ARK2N: variants seen among roughly 807,000 people sequenced by gnomAD.
ARK2N encodes the protein arkadia (RNF111) N-terminal like PKA signaling regulator 2N.
the ARK2N span, among the ~76,000 whole-genome samples, chr18:46,242,826 A>C: frequency 6.6e-6 from 1 of 152,200 alleles, no homozygotes; most frequent in Non-Finnish European, 1.5e-5. Flanking sequence ...CACTATATGA[A>C]TATATCACAA....
the ARK2N span, chr18:46,219,271 G>A: frequency 6.6e-6 from 1 of 152,048 alleles, no homozygotes; most frequent in South Asian, 2.1e-4. Flanking sequence ...ATCTCTCTTT[G>A]AAGTTTTTGG....
the ARK2N span, chr18:46,253,684 C>T: frequency 6.3e-7 from 1 of 1,599,430 alleles, no homozygotes; most frequent in African/African-American, 1.4e-5. Flanking sequence ...TTTTTCCTCC[C>T]CTTCTCTCTC....
chr18:46,216,252 A>G, the ARK2N span: 3 of 1,613,968 alleles, frequency 1.9e-6, no homozygotes, highest in East Asian at 6.7e-5. The surrounding 1 kb of genome is among the most constrained non-coding windows in gnomAD (Gnocchi z 4.3). Flanking sequence ...AAACGGCGGT[A>G]GAAGGAGACC....
chr18:46,264,779 T>C, the ARK2N span: 1 of 152,086 alleles, frequency 6.6e-6, no homozygotes. Context: ...CCTTTACGCT[T>C]CTTGTTGCAT....
the ARK2N span, chr18:46,240,029 A>G: frequency 1.4e-5 from 23 of 1,614,110 alleles, no homozygotes; most frequent in Non-Finnish European, 1.9e-5. Flanking sequence ...GTAGCTCATT[A>G]TGATATGTCT....
the ARK2N span, among the ~76,000 whole-genome samples, chr18:46,176,435 G>A: frequency 3.3e-5 from 5 of 151,114 alleles, no homozygotes; most frequent in Admixed American, 2.0e-4. Flanking sequence ...ACCTGTAAAG[G>A]TGAAAAATGT....
the ARK2N span, among the ~76,000 whole-genome samples, chr18:46,214,074 T>A: frequency 2.6e-5 from 4 of 152,296 alleles, no homozygotes; most frequent in South Asian, 6.2e-4. Context: ...GGAAACTTAA[T>A]CAGAATGCCT....
chr18:46,176,574 C>T, the ARK2N span, among the ~76,000 whole-genome samples: 1 of 151,892 alleles, frequency 6.6e-6, no homozygotes, highest in African/African-American at 2.4e-5. Flanking sequence ...CCCACCTCAG[C>T]CTCCGAAGTA....
chr18:46,195,559 C>CT, the ARK2N span, among the ~76,000 whole-genome samples: 126 of 72,646 alleles, frequency 1.7e-3, no homozygotes, highest in Middle Eastern at 0.013. Flanking sequence ...CCCACATAAA[C>CT]TTTTTTTTTT....
the ARK2N span, among the ~76,000 whole-genome samples, chr18:46,220,682 C>T: frequency 9.9e-5 from 15 of 152,204 alleles, no homozygotes; most frequent in South Asian, 3.1e-3. Flanking sequence ...AATATTCTCC[C>T]TAGAACATAT....
the ARK2N span, among the ~76,000 whole-genome samples, chr18:46,222,142 C>T: frequency 1.3e-5 from 2 of 152,200 alleles, no homozygotes; most frequent in Admixed American, 1.3e-4. Context: ...GGGTCTGACC[C>T]CAGGCATCAG....
chr18:46,252,562 A>C, the ARK2N span, among the ~76,000 whole-genome samples: 1 of 152,002 alleles, frequency 6.6e-6, no homozygotes, highest in South Asian at 2.1e-4. Context: ...GCATGAGCCA[A>C]AATTTTATTT....
the ARK2N span, among the ~76,000 whole-genome samples, chr18:46,198,608 T>C: frequency 1.3e-5 from 2 of 152,090 alleles, no homozygotes. Flanking sequence ...ACTTGTCTTT[T>C]TTCTTTTTTG....
At chr18:46,193,891 G>A in the ARK2N span, among the ~76,000 whole-genome samples, 1 of 152,182 alleles carries the variant, frequency 6.6e-6, no homozygotes, top group East Asian at 1.9e-4. Flanking sequence ...GAGCCACGGT[G>A]CGGGTCCCCT....
chr18:46,184,603 T>C, the ARK2N span, among the ~76,000 whole-genome samples: 2 of 152,114 alleles, frequency 1.3e-5, no homozygotes, highest in African/African-American at 4.8e-5. Context: ...GCGGCTGTAG[T>C]CCCAGCTACT....
chr18:46,244,701 A>G, the ARK2N span, among the ~76,000 whole-genome samples: 1 of 144,852 alleles, frequency 6.9e-6, no homozygotes, highest in African/African-American at 2.6e-5. Flanking sequence ...TCCCGGGTTC[A>G]AGTAATTTTC....
chr18:46,215,990 T>G, the ARK2N span: 2 of 1,614,152 alleles, frequency 1.2e-6, no homozygotes, highest in Non-Finnish European at 1.7e-6. Flanking sequence ...TCTGTAGAAC[T>G]GGAATCTCAA....
the ARK2N span, among the ~76,000 whole-genome samples, chr18:46,259,012 T>C: frequency 6.6e-6 from 1 of 152,006 alleles, no homozygotes. Flanking sequence ...GTTTTTTCCC[T>C]CTGTAGTTAA....
chr18:46,180,085 G>C, the ARK2N span, among the ~76,000 whole-genome samples: 1 of 152,202 alleles, frequency 6.6e-6, no homozygotes, highest in Non-Finnish European at 1.5e-5. Context: ...TAAGTTGTTT[G>C]ATTAGTTGTT....
Sources: allele counts gnomAD v4.1 joint callset (sites outside exome capture counted in the v4.1 genomes callset), GRCh38; gene constraint gnomAD v4.1.1; non-coding constraint Gnocchi (gnomAD v3.1); transcripts MANE v1.5; gene names NCBI Gene and HGNC (gene_info 2026-07-23, HGNC 2026-07-21).